The following HDAC9 variants were observed in gnomAD, a reference collection of about 807,000 sequenced individuals.
The protein encoded by HDAC9 is MEF-2 interacting transcription repressor (MITR) protein.
A neutral mutation model predicts 139.4 loss-of-function variants in HDAC9; 41 were observed. That is an observed-to-expected ratio of 0.29 (90% CI 0.23 to 0.38). HDAC9 has a LOEUF of 0.38. Among genes scored for constraint, HDAC9 ranks in the 10% least tolerant of loss-of-function variants. HDAC9 has a pLI of 1.00. For missense variants in HDAC9, 1,147 were observed against 1,297.0 expected (o/e 0.88, Z 1.78); for synonymous variants, 517 against 476.2 (o/e 1.09, Z -1.12).
chr7:18,482,238 A>G (rs13307161), intron 1 of HDAC9, among the ~76,000 whole-genome samples: 1 of 151,636 alleles, frequency 6.6e-6, no homozygotes, highest in South Asian at 2.1e-4. Flanking sequence ...GTGCCCTGTC[A>G]CACTGTTAAA....
intron 2 of HDAC9, among the ~76,000 whole-genome samples, chr7:18,556,196 T>C (rs904798627): frequency 1.3e-5 from 2 of 152,036 alleles, no homozygotes; most frequent in African/African-American, 2.4e-5. Flanking sequence ...GTTAGAAATA[T>C]GTGTTGGGAG....
intron 21 of HDAC9, among the ~76,000 whole-genome samples, chr7:18,836,788 G>A (rs1263079584): frequency 1.3e-5 from 2 of 151,978 alleles, no homozygotes; most frequent in Non-Finnish European, 2.9e-5. Flanking sequence ...TCAACCTGAG[G>A]AGCCTCCCTT....
intron 12 of HDAC9, among the ~76,000 whole-genome samples, chr7:18,675,692 C>T (rs1000553569): frequency 1.3e-5 from 2 of 151,932 alleles, no homozygotes; most frequent in African/African-American, 4.8e-5. Context: ...TAGAAAATGG[C>T]AATATGTATA....
intron 12 of HDAC9, among the ~76,000 whole-genome samples, chr7:18,703,001 A>G (rs1372841109): frequency 6.6e-6 from 1 of 152,188 alleles, no homozygotes; most frequent in East Asian, 1.9e-4. Context: ...TATGAATCCT[A>G]AACATTTTAT....
intron 2 of HDAC9, chr7:18,506,170 AT>A (rs1799715580): frequency 2.0e-5 from 3 of 152,230 alleles, no homozygotes; most frequent in African/African-American, 7.2e-5. Context: ...TTAAGGGGCA[AT>A]AATGTTGTTT....
chr7:18,817,037 TG>T (rs1391421450), intron 17 of HDAC9, among the ~76,000 whole-genome samples: 13 of 125,810 alleles, frequency 1.0e-4, no homozygotes, highest in Middle Eastern at 4.3e-3. Context: ...AGAAGTTTTT[TG>T]TTTTTTTTTT....
At chr7:18,444,898 G>A (rs1792149040) in intron 1 of HDAC9, among the ~76,000 whole-genome samples, 1 of 152,088 alleles carries the variant, frequency 6.6e-6, no homozygotes, top group Non-Finnish European at 1.5e-5. Flanking sequence ...CTATGTACTA[G>A]CAATAGAAAA....
chr7:18,988,499 G>C (rs948869682), intron 25 of HDAC9, among the ~76,000 whole-genome samples: 25 of 151,612 alleles, frequency 1.6e-4, no homozygotes, highest in African/African-American at 5.8e-4. Flanking sequence ...GGTCAATTTT[G>C]GAATAGGTGT....
intron 1 of HDAC9, among the ~76,000 whole-genome samples, chr7:18,097,370 A>C (rs1782575870): frequency 6.6e-6 from 1 of 151,900 alleles, no homozygotes; most frequent in South Asian, 2.1e-4. Context: ...TCATCTGTTC[A>C]CTTGCCCCAC....
chr7:18,678,022 A>G (rs1781633668), intron 12 of HDAC9, among the ~76,000 whole-genome samples: 1 of 151,822 alleles, frequency 6.6e-6, no homozygotes, highest in Admixed American at 6.6e-5. Context: ...ATCTTACAGG[A>G]TTCGATTTTT....
chr7:18,088,023 G>C (rs1444141225), intron 1 of HDAC9: 1 of 152,210 alleles, frequency 6.6e-6, no homozygotes, highest in Admixed American at 6.5e-5. Context: ...ATGTGGACTT[G>C]GAGAATTCTC....
rs547554399 is a variant in HDAC9, at chr7:18,497,083, T to C, written c.22+759T>C. Among the ~76,000 whole-genome samples the C allele has an allele frequency of 1.6e-3, 244 of 152,238 alleles. 1 individual carries two copies. The highest frequency in any genetic ancestry group is 2.9e-3 in the Non-Finnish European group (200 of 67,984). On this transcript the variant is annotated intron_variant, in intron 2 of 25. Coordinates refer to ENST00000686413, the MANE Select transcript of HDAC9 (RefSeq NM_178425.4). ...TGGGAGATTGAGCTTGTCAGCCTTG[T>C]CAATTTATACTTACTAAATGAACAT...
intron 1 of HDAC9, among the ~76,000 whole-genome samples, chr7:18,485,844 A>T (rs976185606): frequency 6.6e-6 from 1 of 152,174 alleles, no homozygotes; most frequent in Non-Finnish European, 1.5e-5. Flanking sequence ...GACAAAATTC[A>T]TATCAAATTC....
intron 2 of HDAC9, among the ~76,000 whole-genome samples, chr7:18,545,829 A>G (rs1004290569): frequency 2.6e-5 from 4 of 152,192 alleles, no homozygotes; most frequent in African/African-American, 9.7e-5. Flanking sequence ...CTACTGGTTC[A>G]CTATGCACTA....
At chr7:18,185,385 T>C (rs1231304346) in intron 2 of HDAC9, among the ~76,000 whole-genome samples, 1 of 152,182 alleles carries the variant, frequency 6.6e-6, no homozygotes, top group Non-Finnish European at 1.5e-5. Flanking sequence ...GTGCAACTAA[T>C]GTTGAGGACT....
intron 12 of HDAC9, among the ~76,000 whole-genome samples, chr7:18,693,142 A>T: frequency 6.6e-6 from 1 of 152,062 alleles, no homozygotes. Flanking sequence ...TAAAAACTAG[A>T]TCAACTTAGA....
chr7:18,183,793 CA>C (rs1445991236), intron 2 of HDAC9, among the ~76,000 whole-genome samples: 1 of 152,110 alleles, frequency 6.6e-6, no homozygotes, highest in Admixed American at 6.6e-5. Flanking sequence ...CCATTTTAAA[CA>C]GTTTGTAAAC....
chr7:18,149,663 G>A (rs905069984), intron 1 of HDAC9, among the ~76,000 whole-genome samples: 2 of 151,776 alleles, frequency 1.3e-5, no homozygotes, highest in Non-Finnish European at 2.9e-5. Context: ...CCATTCTCCC[G>A]CCTCAGCCTC....
intron 12 of HDAC9, among the ~76,000 whole-genome samples, chr7:18,669,026 A>G (rs945139819): frequency 1.3e-5 from 2 of 151,548 alleles, no homozygotes; most frequent in African/African-American, 2.4e-5. Flanking sequence ...ATGACTTTCA[A>G]CTATTTACAT....
Sources: allele counts gnomAD v4.1 joint callset (sites outside exome capture counted in the v4.1 genomes callset), GRCh38; gene constraint gnomAD v4.1.1; transcripts MANE v1.5; gene names NCBI Gene and HGNC (gene_info 2026-07-23, HGNC 2026-07-21).